Variants in NUBPL observed in about 807,000 individuals in gnomAD.
NUBPL encodes iron-sulfur cluster transfer protein NUBPL.
Under a neutral mutation model 45.7 loss-of-function variants are expected in NUBPL, and 31 were observed. The ratio of observed to expected loss-of-function variants is 0.68; its 90% CI spans 0.51 to 0.92. NUBPL has a LOEUF of 0.92. Ranked by LOEUF, NUBPL falls within the 40% of genes least tolerant of loss-of-function variation. The pLI is 0.00. For missense variants in NUBPL, 401 were observed against 398.7 expected, an observed-to-expected ratio of 1.01 and a Z score of -0.05; for synonymous variants, 144 against 140.9, an observed-to-expected ratio of 1.02 and a Z score of -0.15.
chr14:31,734,024 A>G (rs895824944), intron 6 of NUBPL, among the ~76,000 whole-genome samples: 1 of 152,190 alleles, frequency 6.6e-6, no homozygotes. Flanking sequence ...TGAAGTGATC[A>G]TCTAGCTTTT....
intron 7 of NUBPL, among the ~76,000 whole-genome samples, chr14:31,819,620 T>C (rs1441096978): frequency 6.6e-6 from 1 of 152,208 alleles, no homozygotes; most frequent in Non-Finnish European, 1.5e-5. Flanking sequence ...CAAATCCACA[T>C]ATGCAGTCAT....
chr14:31,654,130 A>G (rs1338699310), intron 4 of NUBPL: 5 of 453,822 alleles, frequency 1.1e-5, no homozygotes, highest in African/African-American at 6.0e-5. Flanking sequence ...AAGTGTCTCA[A>G]TAAAGTAAGC....
chr14:31,578,839 A>G (rs930604256), intron 3 of NUBPL, among the ~76,000 whole-genome samples: 28 of 152,178 alleles, frequency 1.8e-4, no homozygotes, highest in Non-Finnish European at 3.8e-4. Context: ...ACAACCGCCT[A>G]TTTTTCAGTT....
intron 7 of NUBPL, among the ~76,000 whole-genome samples, chr14:31,820,154 GAAAAA>G (rs758005356): frequency 1.5e-5 from 1 of 65,064 alleles, no homozygotes; most frequent in Non-Finnish European, 4.8e-5. Flanking sequence ...AAAAAAAAAA[GAAAAA>G]GAAAAAAATA....
intron 6 of NUBPL, among the ~76,000 whole-genome samples, chr14:31,700,959 A>G (rs922193749): frequency 1.3e-5 from 2 of 152,176 alleles, no homozygotes; most frequent in South Asian, 4.1e-4. Flanking sequence ...ACTGGCGGGC[A>G]GCTCCATCTA....
chr14:31,672,414 G>A (rs2036593816), intron 4 of NUBPL, among the ~76,000 whole-genome samples: 1 of 152,054 alleles, frequency 6.6e-6, no homozygotes, highest in Non-Finnish European at 1.5e-5. Context: ...ATTAGTTATT[G>A]AGGCTATTTT....
intron 4 of NUBPL, among the ~76,000 whole-genome samples, chr14:31,634,831 G>A (rs1222167591): frequency 1.3e-5 from 2 of 150,394 alleles, no homozygotes; most frequent in African/African-American, 2.5e-5. Context: ...GCATTTCTCT[G>A]ATGGCCAGTG....
intron 7 of NUBPL, among the ~76,000 whole-genome samples, chr14:31,812,713 G>C (rs1341631772): frequency 6.6e-6 from 1 of 152,150 alleles, no homozygotes; most frequent in Non-Finnish European, 1.5e-5. Context: ...CCCATCTCCT[G>C]TGTGGATCAC....
In NUBPL at chr14:31,599,350, A is replaced by G; in HGVS notation, c.353A>G (p.Asn118Ser). Residue 118 changes from asparagine to serine, a missense_variant, in exon 4 of 11, where the codon AAT becomes AGT. Coordinates refer to ENST00000281081, the MANE Select transcript of NUBPL (RefSeq NM_025152.3). Reference sequence around the variant, plus strand: ...GGACCTTCAGTTCCAAAGATGATGAATCTGAAAGGAAATCCGGAATTATCA... The same window carrying G: ...GGACCTTCAGTTCCAAAGATGATGAGTCTGAAAGGAAATCCGGAATTATCA... ...VYGPSVPKMM[N>S]LKGNPELSQS... 6.2e-7 allele frequency: 1 copy of G among 1,612,608 alleles called. No homozygotes were observed.
intron 6 of NUBPL, among the ~76,000 whole-genome samples, chr14:31,690,156 C>T (rs1047130205): frequency 6.6e-6 from 1 of 151,780 alleles, no homozygotes; most frequent in Non-Finnish European, 1.5e-5. Context: ...GGATTTAAGA[C>T]AGGAAGGGCT....
chr14:31,744,098 C>T (rs1056447025), intron 6 of NUBPL, among the ~76,000 whole-genome samples: 2 of 151,902 alleles, frequency 1.3e-5, no homozygotes, highest in African/African-American at 2.4e-5. Flanking sequence ...ATAAGGACAG[C>T]TTTTACCAAG....
intron 4 of NUBPL, among the ~76,000 whole-genome samples, chr14:31,667,197 AG>A (rs1452454850): frequency 7.9e-5 from 12 of 152,104 alleles, no homozygotes; most frequent in Admixed American, 3.3e-4. Context: ...AATCAATCGT[AG>A]GTTTGGTCTT....
At chr14:31,809,525 T>C (rs551157033) in intron 7 of NUBPL, among the ~76,000 whole-genome samples, 75 of 152,260 alleles carry the variant, frequency 4.9e-4, no homozygotes, top group African/African-American at 1.4e-3. Flanking sequence ...TTATTAGTCT[T>C]GCTAGCAGTC....
At chr14:31,833,793 G>A (rs145784709) in intron 8 of NUBPL, among the ~76,000 whole-genome samples, 64 of 152,278 alleles carry the variant, frequency 4.2e-4, no homozygotes, top group African/African-American at 1.5e-3. Context: ...CTACATTGGA[G>A]ATTTTTATGG....
chr14:31,626,509 ACTG>A (rs1195577705), intron 4 of NUBPL, among the ~76,000 whole-genome samples: 5 of 152,054 alleles, frequency 3.3e-5, no homozygotes, highest in Admixed American at 3.3e-4. Context: ...CTTTTTATCT[ACTG>A]CTGCTGCTTT....
At chr14:31,790,349 C>T (rs2039356894) in intron 7 of NUBPL, among the ~76,000 whole-genome samples, 1 of 152,174 alleles carries the variant, frequency 6.6e-6, no homozygotes, top group Non-Finnish European at 1.5e-5. Context: ...AGTATATTTC[C>T]TTTTTCCTTT....
At chr14:31,616,407 T>TA (rs1332857302) in intron 4 of NUBPL, among the ~76,000 whole-genome samples, 2 of 152,160 alleles carry the variant, frequency 1.3e-5, no homozygotes, top group Non-Finnish European at 2.9e-5. Flanking sequence ...TTTTAGGTCT[T>TA]ACGTTTAAGT....
At chr14:31,632,209 G>T (rs375280311) in intron 4 of NUBPL, among the ~76,000 whole-genome samples, 1 of 151,292 alleles carries the variant, frequency 6.6e-6, no homozygotes, top group African/African-American at 2.4e-5. Flanking sequence ...GATAGTAACT[G>T]ATGAGCAATA....
At chr14:31,832,417 A>G (rs2040207479) in intron 8 of NUBPL, among the ~76,000 whole-genome samples, 1 of 152,148 alleles carries the variant, frequency 6.6e-6, no homozygotes. Context: ...GAGAGTTATG[A>G]TGCCATTAAT....
Sources: gnomAD v4.1 joint callset for allele counts (sites outside exome capture counted in the v4.1 genomes callset) on GRCh38, gnomAD v4.1.1 for gene constraint, MANE v1.5 for transcripts, NCBI Gene and HGNC (gene_info 2026-07-23, HGNC 2026-07-21) for gene names.